Variants in ATAD2B observed in about 807,000 individuals in gnomAD.
The protein encoded by ATAD2B is ATPase family AAA domain-containing protein 2B.
ATAD2B carries 40 observed loss-of-function variants against 167.6 expected under a neutral mutation model. The observed-to-expected ratio is 0.24, with a 90% confidence interval of 0.19 to 0.31. The LOEUF is 0.31. ATAD2B is among the 10% of genes least tolerant of loss of function. The probability of loss-of-function intolerance (pLI) is 1.00; values close to 1 mark genes in which losing one functional copy is unlikely to be tolerated. For missense variants in ATAD2B, 1,242 were observed against 1,757.2 expected (o/e 0.71, Z 5.24); for synonymous variants, 579 against 596.5 (o/e 0.97, Z 0.43).
chr2:23,867,494 T>C (rs527597257), intron 10 of ATAD2B, among the ~76,000 whole-genome samples: 1 of 152,280 alleles, frequency 6.6e-6, no homozygotes, highest in African/African-American at 2.4e-5. Context: ...TTCCCCCAAA[T>C]TCATTAACTA....
At chr2:23,757,293 CTT>C (rs1462385938) in intron 25 of ATAD2B, 123 bp downstream of exon 25, 3 of 723,772 alleles carry the variant, frequency 4.1e-6, no homozygotes, top group Non-Finnish European at 6.2e-6. Flanking sequence ...AGGATGAAAA[CTT>C]TAACATATTC....
chr2:23,806,696 T>C (rs912705257), intron 18 of ATAD2B, among the ~76,000 whole-genome samples: 14 of 152,192 alleles, frequency 9.2e-5, no homozygotes, highest in Non-Finnish European at 1.8e-4. Context: ...TACCATTCAT[T>C]AGCTGTAAGC....
At chr2:23,736,471 A>C in the ATAD2B span, among the ~76,000 whole-genome samples, 2 of 152,200 alleles carry the variant, frequency 1.3e-5, no homozygotes, top group African/African-American at 4.8e-5. Flanking sequence ...TGCAAGGAAA[A>C]GAAAAACAAA....
chr2:23,879,340 A>T (rs947859848), intron 7 of ATAD2B, among the ~76,000 whole-genome samples: 1 of 152,252 alleles, frequency 6.6e-6, no homozygotes, highest in East Asian at 1.9e-4. Flanking sequence ...AGCTGGATGC[A>T]GAGGTTCAAG....
At chr2:23,730,875 A>G in the ATAD2B span, among the ~76,000 whole-genome samples, 3 of 151,840 alleles carry the variant, frequency 2.0e-5, no homozygotes, top group African/African-American at 7.2e-5. Flanking sequence ...TAAAAGTAAC[A>G]ATACCAAAAA....
chr2:23,701,788 TTTTGC>T, the ATAD2B span, among the ~76,000 whole-genome samples: 1,149 of 45,834 alleles, frequency 0.025, 91 homozygotes, highest in East Asian at 0.051. Flanking sequence ...CATGGCTTTT[TTTTGC>T]TTTTTTTTTT....
intron 22 of ATAD2B, among the ~76,000 whole-genome samples, chr2:23,769,178 C>T (rs1043529715): frequency 6.6e-6 from 1 of 152,084 alleles, no homozygotes; most frequent in African/African-American, 2.4e-5. Context: ...CGGGGGCTCA[C>T]GCCTGTAATC....
In ATAD2B at chr2:23,751,034, A is replaced by G. The variant is rs1198893522; in HGVS notation, c.*1012T>C. 6.6e-6 allele frequency: 1 copy of G among 152,150 alleles called. No homozygotes were observed. Among genetic ancestry groups the G allele is most frequent in the African/African-American group, 2.4e-5 (1 of 41,442 alleles). The allele number at this position is 152,150 out of a possible 1,614,324, so 9.4% of individuals were successfully genotyped here. Reference sequence around the variant, plus strand: ...TTGGCAAGTCCTGGCTTTAAAACAAAACAACAATTTACTACATATGAAAAC... The same window carrying G: ...TTGGCAAGTCCTGGCTTTAAAACAAGACAACAATTTACTACATATGAAAAC... On this transcript the variant is annotated 3_prime_UTR_variant, in exon 28 of 28. Transcript: ENST00000238789.
At chr2:23,684,671 C>A in the ATAD2B span, 1 of 650,044 alleles carries the variant, frequency 1.5e-6, no homozygotes, top group Non-Finnish European at 2.5e-6. The surrounding 1 kb of genome is among the most constrained non-coding windows in gnomAD (Gnocchi z 4.4). Flanking sequence ...CTCTCCTCCT[C>A]CTCCTCCTCC....
At chr2:23,688,925 G>A in the ATAD2B span, 1 of 152,406 alleles carries the variant, frequency 6.6e-6, no homozygotes, top group Middle Eastern at 3.4e-3. Flanking sequence ...TCACGGGGGT[G>A]TCCCCTCTGG....
At chr2:23,902,678 T>C (rs1340057888) in intron 1 of ATAD2B, among the ~76,000 whole-genome samples, 1 of 152,188 alleles carries the variant, frequency 6.6e-6, no homozygotes, top group African/African-American at 2.4e-5. Flanking sequence ...GAAAAGTACC[T>C]CAGGCATAAG....
chr2:23,893,666 A>AATT, intron 2 of ATAD2B, among the ~76,000 whole-genome samples: 1 of 142,822 alleles, frequency 7.0e-6, no homozygotes, highest in Non-Finnish European at 1.5e-5. Flanking sequence ...AAAAAAAAAA[A>AATT]CTTTTTTTTT....
intron 2 of ATAD2B, among the ~76,000 whole-genome samples, chr2:23,890,275 C>A (rs1016080166): frequency 1.1e-4 from 16 of 151,630 alleles, no homozygotes; most frequent in African/African-American, 3.9e-4. Flanking sequence ...CATACTACTA[C>A]GCATCTTCAG....
At position 23,823,482 on chromosome 2, in the gene ATAD2B, C is replaced by T; in HGVS notation, c.1907G>A (p.Ser636Asn). The change falls in exon 16 of 28, where the codon AGT (serine) becomes AAT (asparagine). Residue 636 changes from serine (S) to asparagine (N), a missense_variant. Transcript: ENST00000238789. ...GGAAACATCCAGCTGCAGTTTATGA[C>T]TGCTAGCATAGATCTGGGGATAACG... ...RRRYPQIYAS[S>N]HKLQLDVSSI... is the part of the protein sequence containing the mutation. 1 of 1,613,962 alleles carries T rather than the reference C, an allele frequency of 6.2e-7. No homozygotes were observed. The highest frequency in any genetic ancestry group is 8.5e-7 in the Non-Finnish European group (1 of 1,179,890).
the ATAD2B span, among the ~76,000 whole-genome samples, chr2:23,702,857 T>C: frequency 3.3e-5 from 5 of 152,248 alleles, no homozygotes; most frequent in African/African-American, 9.6e-5. Context: ...CAGTCCAGCA[T>C]TGCGGAATGC....
chr2:23,678,882 G>C, the ATAD2B span, among the ~76,000 whole-genome samples: 1 of 152,296 alleles, frequency 6.6e-6, no homozygotes, highest in African/African-American at 2.4e-5. Flanking sequence ...ACAGAAAGTA[G>C]AATGGTGGTT....
At chr2:23,711,571 A>C in the ATAD2B span, among the ~76,000 whole-genome samples, 2 of 151,706 alleles carry the variant, frequency 1.3e-5, no homozygotes, top group East Asian at 3.9e-4. Context: ...GGGTTTCACC[A>C]TGTTGGCCAG....
the ATAD2B span, chr2:23,695,841 G>A: frequency 2.5e-5 from 38 of 1,542,154 alleles, no homozygotes; most frequent in Admixed American, 3.8e-4. This position sits in a 1 kb window ranked among gnomAD's most constrained non-coding sequence, Gnocchi z 7.6. Flanking sequence ...GGCACGCCCC[G>A]AACCTCCCAA....
At chr2:23,876,322 TAC>T (rs1696832716) in intron 7 of ATAD2B, among the ~76,000 whole-genome samples, 1 of 142,124 alleles carries the variant, frequency 7.0e-6, no homozygotes, top group South Asian at 2.3e-4. Context: ...TTTTTTTTGA[TAC>T]AGAGTCTCAC....
Sources: gnomAD v4.1 joint callset for allele counts (sites outside exome capture counted in the v4.1 genomes callset) on GRCh38, gnomAD v4.1.1 for gene constraint, Gnocchi (gnomAD v3.1) non-coding constraint, MANE v1.5 for transcripts, NCBI Gene and HGNC (gene_info 2026-07-23, HGNC 2026-07-21) for gene names.